Variants in SETD2 observed in about 807,000 individuals in gnomAD.
SETD2 encodes the protein histone-lysine N-methyltransferase SETD2.
In SETD2, 31 loss-of-function variants were observed where a neutral mutation model predicts 242.1. That is an observed-to-expected ratio of 0.13 (90% CI 0.10 to 0.17). SETD2 has a LOEUF of 0.17. SETD2 is among the 10% of genes least tolerant of loss of function. The pLI is 1.00. For synonymous variants in SETD2, 1,006 were observed against 1,066.5 expected, an observed-to-expected ratio of 0.94 and a Z score of 1.11; for missense variants, 2,481 against 3,046.3, an observed-to-expected ratio of 0.81 and a Z score of 4.37.
chr3:47,056,719 A>G, intron 15 of SETD2, 102 bp downstream of exon 15: 1 of 860,896 alleles, frequency 1.2e-6, no homozygotes, highest in South Asian at 1.6e-5. Context: ...TGATCAATAT[A>G]TACAAGTAGT....
Position 47,120,447 on chromosome 3 carries a change from C to A in SETD2, c.4189G>T (p.Asp1397Tyr), listed in dbSNP as rs2043027402. 1 of 1,613,042 alleles carries A rather than the reference C, an allele frequency of 6.2e-7. No individual in the cohort carries two copies. The highest frequency in any genetic ancestry group is 1.3e-5 in the African/African-American group (1 of 74,742). ...TTAAGAGGCCCTCTATCTTTGATATCATTTTTTTCTAAGTTTTTTGAAAAA... is the reference window on the plus strand; with the variant it reads ...TTAAGAGGCCCTCTATCTTTGATATAATTTTTTTCTAAGTTTTTTGAAAAA... ...KDFSKNLEKN[D>Y]IKDRGPLKKR... The change falls in exon 3 of 21, where the codon GAT becomes TAT. Residue 1397 changes from aspartate to tyrosine, a missense_variant. Around this residue, in one of 17 missense-constraint regions of SETD2, gnomAD observed 1,300 missense variants for 1,259.2 expected, o/e 1.03. Transcript: ENST00000409792.
At chr3:47,088,508 A>C (rs1010032980) in intron 9 of SETD2, among the ~76,000 whole-genome samples, 5 of 152,108 alleles carry the variant, frequency 3.3e-5, no homozygotes, top group African/African-American at 1.2e-4. Context: ...ATATGAGTCA[A>C]GTATAATTCT....
intron 17 of SETD2, among the ~76,000 whole-genome samples, chr3:47,040,569 A>ATTTTTTTTTTTTTTTTTTTTTTTTTTTT (rs34309892): frequency 1.1e-5 from 1 of 91,740 alleles, no homozygotes; most frequent in African/African-American, 4.4e-5. Context: ...AGGGAAAAGG[A>ATTTTTTTTTTTTTTTTTTTTTTTTTTTT]TTTTTTTTTT....
chr3:47,060,400 T>C (rs2040281735), intron 14 of SETD2, among the ~76,000 whole-genome samples: 1 of 152,102 alleles, frequency 6.6e-6, no homozygotes, highest in Non-Finnish European at 1.5e-5. Flanking sequence ...AAAGACAAGA[T>C]TTCCCAGAGG....
chr3:47,114,278 G>A (rs542038520), intron 4 of SETD2, among the ~76,000 whole-genome samples: 1 of 152,274 alleles, frequency 6.6e-6, no homozygotes, highest in African/African-American at 2.4e-5. Context: ...TAGGTGTCTA[G>A]AATACATTTT....
At chr3:47,101,929 G>A (rs958418471) in intron 7 of SETD2, among the ~76,000 whole-genome samples, 9 of 152,160 alleles carry the variant, frequency 5.9e-5, no homozygotes, top group Non-Finnish European at 1.2e-4. Context: ...TTGTGTCACT[G>A]AGTATCAAAG....
In SETD2 at chr3:47,017,179, T is replaced by G. The variant is rs1482006562; in HGVS notation, c.7609A>C (p.Lys2537Gln). The change falls in exon 21 of 21, where the codon AAA (lysine) becomes CAA (glutamine). Residue 2537 changes from lysine (K) to glutamine (Q), a missense_variant. By Grantham distance (53) the Lys-to-Gln change is moderately conservative. Around this residue, in one of 17 missense-constraint regions of SETD2, gnomAD observed 29 missense variants for 46.7 expected, o/e 0.62. Coordinates refer to ENST00000409792, the MANE Select transcript of SETD2 (RefSeq NM_014159.7). This position sits in a 1 kb window ranked among gnomAD's most constrained non-coding sequence, Gnocchi z 4.8. ...PEDLECNENVKHKTKEYIKKY... is the reference protein window; with the variant it reads ...PEDLECNENVQHKTKEYIKKY... ...TTAATGTACTCCTTGGTTTTGTGTTTCACATTCTCATTGCACTCCAGGTCC... is the reference window on the plus strand; with the variant it reads ...TTAATGTACTCCTTGGTTTTGTGTTGCACATTCTCATTGCACTCCAGGTCC... 6.2e-7 allele frequency: 1 copy of G among 1,614,186 alleles called. No homozygotes were observed. Among genetic ancestry groups the G allele is most frequent in the Non-Finnish European group, 8.5e-7 (1 of 1,180,024 alleles).
chr3:47,056,661 C>G (rs772303556), intron 15 of SETD2, among the ~76,000 whole-genome samples, 160 bp downstream of exon 15: 22 of 152,174 alleles, frequency 1.4e-4, no homozygotes, highest in Admixed American at 5.2e-4. Flanking sequence ...CTTAAGCTGA[C>G]AAGTTCTGGC....
At chr3:47,137,480 C>T (rs1390528199) in intron 1 of SETD2, among the ~76,000 whole-genome samples, 1 of 151,964 alleles carries the variant, frequency 6.6e-6, no homozygotes, top group Admixed American at 6.6e-5. Flanking sequence ...TGTGAGCCAC[C>T]GCGCCCAGCC....
At chr3:47,081,486 A>G (rs1252241900) in intron 12 of SETD2, among the ~76,000 whole-genome samples, 1 of 152,236 alleles carries the variant, frequency 6.6e-6, no homozygotes, top group Non-Finnish European at 1.5e-5. Context: ...CTTTTCAGCC[A>G]ATGTCTACTC....
At chr3:47,030,773 G>GA (rs1386762673) in intron 18 of SETD2, among the ~76,000 whole-genome samples, 2 of 152,214 alleles carry the variant, frequency 1.3e-5, no homozygotes, top group African/African-American at 2.4e-5. Context: ...CATATCCAGT[G>GA]AGAGTATCTG....
chr3:47,155,810 A>G (rs1262808485), intron 1 of SETD2, among the ~76,000 whole-genome samples: 2 of 152,156 alleles, frequency 1.3e-5, no homozygotes, highest in Non-Finnish European at 2.9e-5. Context: ...TGTCTCACAC[A>G]CACATAAAAA....
intron 12 of SETD2, among the ~76,000 whole-genome samples, chr3:47,080,219 G>A (rs2041265182): frequency 6.6e-6 from 1 of 152,124 alleles, no homozygotes; most frequent in East Asian, 1.9e-4. Context: ...ATAATGTCTT[G>A]AGATAAAGAT....
chr3:47,051,696 AAAT>A (rs2039850701), intron 15 of SETD2, among the ~76,000 whole-genome samples: 1 of 152,154 alleles, frequency 6.6e-6, no homozygotes, highest in African/African-American at 2.4e-5. Context: ...TGATTTTATA[AAAT>A]AATAAAAAAG....
chr3:47,058,674 GCTATATA>G (rs995393788), intron 14 of SETD2, among the ~76,000 whole-genome samples: 2 of 151,770 alleles, frequency 1.3e-5, no homozygotes, highest in African/African-American at 4.9e-5. Flanking sequence ...AAATTCAAAT[GCTATATA>G]CTATATATCA....
intron 12 of SETD2, among the ~76,000 whole-genome samples, chr3:47,076,872 T>C (rs1223413719): frequency 3.3e-5 from 5 of 152,256 alleles, no homozygotes; most frequent in African/African-American, 1.2e-4. Context: ...TTACTTTCTC[T>C]ATCATACACT....
At chr3:47,079,174 T>C (rs1297800323) in intron 12 of SETD2, among the ~76,000 whole-genome samples, 1 of 152,224 alleles carries the variant, frequency 6.6e-6, no homozygotes, top group Non-Finnish European at 1.5e-5. Flanking sequence ...TCATTGAGCC[T>C]GAAATTATAT....
intron 9 of SETD2, among the ~76,000 whole-genome samples, chr3:47,095,147 A>AT (rs1378909282): frequency 6.6e-6 from 1 of 152,036 alleles, no homozygotes; most frequent in Non-Finnish European, 1.5e-5. Context: ...TCTTTTTGTT[A>AT]TTTTTTTAGA....
At chr3:47,067,661 C>A (rs1335720225) in intron 12 of SETD2, among the ~76,000 whole-genome samples, 1 of 152,052 alleles carries the variant, frequency 6.6e-6, no homozygotes, top group African/African-American at 2.4e-5. Flanking sequence ...GCAATCTACT[C>A]AGCCTCCCAA....
Sources: gnomAD v4.1 joint callset for allele counts (sites outside exome capture counted in the v4.1 genomes callset) on GRCh38, gnomAD v4.1.1 for gene constraint, gnomAD v4.1.1 regional missense constraint, Gnocchi (gnomAD v3.1) non-coding constraint, MANE v1.5 for transcripts, NCBI Gene and HGNC (gene_info 2026-07-23, HGNC 2026-07-21) for gene names.